SIGLEC1: variants seen among roughly 807,000 people sequenced by gnomAD.
The protein encoded by SIGLEC1 is sialoadhesin.
Under a neutral mutation model 148.0 loss-of-function variants are expected in SIGLEC1, and 132 were observed. The ratio of observed to expected loss-of-function variants is 0.89; its 90% CI spans 0.77 to 1.03. The LOEUF is 1.03. SIGLEC1 is among the 50% of genes least tolerant of loss of function. The pLI is 0.00. For missense variants in SIGLEC1, 2,253 were observed against 2,271.4 expected (o/e 0.99, Z 0.16); for synonymous variants, 945 against 969.0 (o/e 0.98, Z 0.46).
chr20:3,709,684 GATGTGGATAAACAAACTGTGGT>G (rs1289120709), intron 1 of SIGLEC1, among the ~76,000 whole-genome samples: 7 of 152,230 alleles, frequency 4.6e-5, no homozygotes, highest in African/African-American at 1.7e-4. Flanking sequence ...TCAGTGAATG[GATGTGGATAAACAAACTGTGGT>G]ATGTACATAC....
chr20:3,693,767 C>T (rs2088791794), intron 13 of SIGLEC1, 69 bp from the exon 14 acceptor site: 4 of 1,471,704 alleles, frequency 2.7e-6, no homozygotes, highest in Admixed American at 2.2e-5. Context: ...CACCTGTCTC[C>T]ATGTGGGTGA....
At chr20:3,697,684 G>A (rs2087814450) in intron 9 of SIGLEC1, 114 bp downstream of exon 9, 8 of 947,266 alleles carry the variant, frequency 8.4e-6, no homozygotes, top group Middle Eastern at 3.1e-4. Flanking sequence ...GGAGGGCAGC[G>A]AAGGGCCCCC....
rs556747125 is a variant in SIGLEC1, at chr20:3,710,191, C to T, written c.-110+2279G>A. Among the ~76,000 whole-genome samples the T allele has an allele frequency of 2.0e-5, 3 of 152,268 alleles. No homozygotes were observed. The highest frequency in any genetic ancestry group is 2.1e-4 in the South Asian group (1 of 4,828). ...ATGACCTCCCAGCTCCCAGCCCATC[C>T]GCCTCAGGGGCTGGGCTCAGCAGAT... On this transcript the variant is annotated intron_variant, in intron 1 of 21. Transcript: ENST00000344754. This position sits in a 1 kb window ranked among gnomAD's most constrained non-coding sequence, Gnocchi z 4.6.
At chr20:3,703,718 T>C in intron 5 of SIGLEC1, 107 bp downstream of exon 5, 1 of 1,435,704 alleles carries the variant, frequency 7.0e-7, no homozygotes, top group Non-Finnish European at 9.4e-7. Context: ...CAGGAAGCAC[T>C]GGGTTATGCC....
At chr20:3,697,729 C>T (rs2087814834) in intron 9 of SIGLEC1, 69 bp downstream of exon 9, 4 of 1,462,268 alleles carry the variant, frequency 2.7e-6, no homozygotes, top group Admixed American at 2.0e-5. Context: ...TGATTAGATC[C>T]TCCTCGGAGC....
chr20:3,712,368 C>A (rs1052761946), intron 1 of SIGLEC1, among the ~76,000 whole-genome samples, 102 bp downstream of exon 1: 37 of 151,306 alleles, frequency 2.4e-4, no homozygotes, highest in Admixed American at 1.5e-3. Flanking sequence ...AGATGGAGCC[C>A]CCCCCCGACC....
rs974456929 is a variant in SIGLEC1 at position 3,689,687 on chromosome 20, T to C, written c.4910A>G (p.His1637Arg). Residue 1637 changes from histidine to arginine, a missense_variant, in exon 20 of 22, where the codon CAT becomes CGT. By Grantham distance (29) the His-to-Arg change is conservative. Coordinates refer to ENST00000344754, the MANE Select transcript of SIGLEC1 (RefSeq NM_023068.4). ...GACCCAGAGCAGCTGCTGGAACTGA[T>C]GCAGGCGGTGCAGGGCTGGAACACA... ...YFGVRALHRLHQFQQLLWVLG... is the reference protein window; with the variant it reads ...YFGVRALHRLRQFQQLLWVLG... 4 of 1,577,058 alleles carry C rather than the reference T, an allele frequency of 2.5e-6. No individual in the cohort carries two copies. Among genetic ancestry groups the C allele is most frequent in the East Asian group, 4.6e-5 (2 of 43,360 alleles).
rs111657977 is a variant in SIGLEC1 at position 3,711,621 on chromosome 20, G to A, written c.-110+849C>T. 1.7e-4 allele frequency among the ~76,000 whole-genome samples: 26 copies of A among 152,292 alleles called. 2 individuals are homozygous for A. Among genetic ancestry groups the A allele is most frequent in the African/African-American group, 6.3e-4 (26 of 41,564 alleles). ...CAGATAGGGAGTCAGGGTACGGATG[G>A]GCAATTCCTGGAGCAGATTATGGTC... is the stretch of plus-strand genomic sequence containing the variant. On this transcript the variant is annotated intron_variant, in intron 1 of 21. Transcript: ENST00000344754.
chr20:3,699,871 T>C (rs6052016), intron 7 of SIGLEC1, among the ~76,000 whole-genome samples: 13,061 of 150,958 alleles, frequency 0.087, 682 homozygotes, highest in African/African-American at 0.13. Flanking sequence ...AGTGCAGTGG[T>C]GTGATCCTGG....
chr20:3,706,273 G>C (rs2087893024), intron 3 of SIGLEC1, 74 bp downstream of exon 3: 1 of 1,536,382 alleles, frequency 6.5e-7, no homozygotes, highest in African/African-American at 1.4e-5. Flanking sequence ...CAAGGGCTGG[G>C]GCTGAGAGCC....
chr20:3,698,072 A>G lies in SIGLEC1; in HGVS notation c.1848T>C (p.Ala616=). The G allele has an allele frequency of 6.2e-7, 1 of 1,608,594 alleles. No homozygotes were observed. Among genetic ancestry groups the G allele is most frequent in the Non-Finnish European group, 8.5e-7 (1 of 1,178,456 alleles). ...GGCACAAAAGGAGGCCTCGCCGTCC[A>G]GCCCCGGCCCCAGCGGCATCAAGGT... is the stretch of plus-strand genomic sequence containing the variant. The part of the protein sequence containing the change: ...RLDLDAAGAG[A]GRRGLLLCRV... Residue 616 remains alanine (A), a synonymous_variant, in exon 9 of 22, where the codon GCT becomes GCC. Coordinates refer to ENST00000344754, the MANE Select transcript of SIGLEC1 (RefSeq NM_023068.4).
chr20:3,712,375 G>A (rs891176676), intron 1 of SIGLEC1, among the ~76,000 whole-genome samples, 95 bp downstream of exon 1: 4 of 98,596 alleles, frequency 4.1e-5, no homozygotes, highest in South Asian at 4.9e-4. Flanking sequence ...GCCCCCCCCC[G>A]ACCCCTGCCC....
rs752952284 is a variant in SIGLEC1, at chr20:3,693,610, G to C, written c.3345C>G (p.Ala1115=). 112 of 1,612,752 alleles carry C rather than the reference G, an allele frequency of 6.9e-5. No homozygotes were observed. The highest frequency in any genetic ancestry group is 9.3e-5 in the Non-Finnish European group (110 of 1,179,718). The change falls in exon 14 of 22, where the codon GCC becomes GCG. Residue 1115 remains alanine (A), a synonymous_variant. Transcript: ENST00000344754. ...LTCLVWTTHP[A]QLTYTWYQDG... ...CCTGGTACCATGTGTAGGTGAGCTG[G>C]GCCGGGTGAGTGGTCCACACAAGGC...
Position 3,693,508 on chromosome 20 carries a change from G to C in SIGLEC1, c.3447C>G (p.Cys1149Trp). 1 of 1,609,828 alleles carries C rather than the reference G, an allele frequency of 6.2e-7. No homozygotes were observed. Among genetic ancestry groups the C allele is most frequent in the Non-Finnish European group, 8.5e-7 (1 of 1,177,914 alleles). The change falls in exon 14 of 22, where the codon TGC becomes TGG. Residue 1149 changes from cysteine (C) to tryptophan (W), a missense_variant. By Grantham distance (215) the Cys-to-Trp change is radical (BLOSUM62 -2). Coordinates refer to ENST00000344754, the MANE Select transcript of SIGLEC1 (RefSeq NM_023068.4). The stretch of plus-strand genomic sequence containing the variant: ...GTGCCCGACCAGGGGGGCCCACACC[G>C]CAGCGGTAGGAGGTGGCATCCCTGA... ...VTVRDATSYR[C>W]GVGPPGRAPR...
In SIGLEC1 at chr20:3,703,203, C is replaced by G; in HGVS notation, c.1222G>C (p.Val408Leu). ...CCCCACCCTGGCCTCTTACGGTTGACTACCACGCTGACAGGGCCCGAGCGC... is the reference window on the plus strand; with the variant it reads ...CCCCACCCTGGCCTCTTACGGTTGAGTACCACGCTGACAGGGCCCGAGCGC... ...SERSGPVSVV[V>L]NHPPLTPVLT... The change falls in exon 6 of 22, where the codon GTC becomes CTC. Residue 408 changes from valine (V) to leucine (L), a missense_variant. Transcript: ENST00000344754. The G allele has an allele frequency of 6.2e-7, 1 of 1,613,986 alleles. No individual in the cohort carries two copies. Among genetic ancestry groups the G allele is most frequent in the Non-Finnish European group, 8.5e-7 (1 of 1,180,018 alleles).
At position 3,704,108 on chromosome 20, in the gene SIGLEC1, G is replaced by A. The variant is rs766019499; in HGVS notation, c.707-17C>T. 5 of 1,606,660 alleles carry A rather than the reference G, an allele frequency of 3.1e-6. No homozygotes were observed. Among genetic ancestry groups the A allele is most frequent in the Admixed American group, 3.4e-5 (2 of 59,656 alleles). Reference sequence around the variant, plus strand: ...TGGGGGCATCTGCAAGTCACAGTAGGGGGTATTGGGTAAGGTGCTTGGGGA... The same window carrying A: ...TGGGGGCATCTGCAAGTCACAGTAGAGGGTATTGGGTAAGGTGCTTGGGGA... On this transcript the variant is annotated splice_polypyrimidine_tract_variant and intron_variant, in intron 4 of 21. Coordinates refer to ENST00000344754, the MANE Select transcript of SIGLEC1 (RefSeq NM_023068.4).
chr20:3,694,477 C>A lies in SIGLEC1; in HGVS notation c.3000G>T (p.Leu1000=). 6.3e-7 allele frequency: 1 copy of A among 1,596,108 alleles called. No individual in the cohort carries two copies. The highest frequency in any genetic ancestry group is 8.6e-7 in the Non-Finnish European group (1 of 1,169,220). ...TTLMDTGPGR[L]GLLLCRVDSD... ...TGTCCACACGGCACAGGAGGAGGCC[C>A]AGTCGTCCAGGGCCTGTGTCCATCA... The change falls in exon 13 of 22, where the codon CTG becomes CTT. Residue 1000 remains leucine (L), a synonymous_variant. Transcript: ENST00000344754.
intron 1 of SIGLEC1, among the ~76,000 whole-genome samples, chr20:3,711,323 A>T (rs908684590): frequency 6.6e-6 from 1 of 152,210 alleles, no homozygotes; most frequent in African/African-American, 2.4e-5. Flanking sequence ...CTGGCCTGGT[A>T]CACAGTGGGC....
chr20:3,694,350 C>T lies in SIGLEC1; in HGVS notation c.3127G>A (p.Val1043Met). 6.2e-7 allele frequency: 1 copy of T among 1,613,284 alleles called. No individual in the cohort carries two copies. The highest frequency in any genetic ancestry group is 8.5e-7 in the Non-Finnish European group (1 of 1,179,994). Residue 1043 changes from valine (V) to methionine (M), a missense_variant, in exon 13 of 22, where the codon GTG (valine) becomes ATG (methionine). Physicochemically the swap from Val to Met is conservative, Grantham distance 21 (BLOSUM62 1). Transcript: ENST00000344754. ...CGCAGTGTGTTGGGGGCCACAGCCA[C>T]ATGCAGCCTGGGAGAGCTGCCTTCG... ...GPEGSSPRLH[V>M]AVAPNTLRLE...
Sources: gnomAD v4.1 joint callset for allele counts (sites outside exome capture counted in the v4.1 genomes callset) on GRCh38, gnomAD v4.1.1 for gene constraint, Gnocchi (gnomAD v3.1) non-coding constraint, MANE v1.5 for transcripts, NCBI Gene and HGNC (gene_info 2026-07-23, HGNC 2026-07-21) for gene names.